The following CCDC102B variants were observed in gnomAD, a reference collection of about 807,000 sequenced individuals.
The protein encoded by CCDC102B is coiled-coil domain-containing protein 102B.
In CCDC102B, 75 loss-of-function variants were observed where a neutral mutation model predicts 57.4. That is an observed-to-expected ratio of 1.31 (90% CI 1.08 to 1.58). CCDC102B has a LOEUF of 1.58. Ranked by LOEUF, CCDC102B falls within the 40% of genes most tolerant of loss-of-function variation. The pLI, the probability that CCDC102B is intolerant of heterozygous loss-of-function variation, is 0.00. For missense variants in CCDC102B, 636 were observed against 582.6 expected (o/e 1.09, Z -0.94); for synonymous variants, 206 against 201.9 (o/e 1.02, Z -0.17).
chr18:68,821,663 T>A (rs991484522), intron 1 of CCDC102B, among the ~76,000 whole-genome samples: 2 of 151,768 alleles, frequency 1.3e-5, no homozygotes, highest in Admixed American at 1.3e-4. Flanking sequence ...TTCTCCTTCT[T>A]CCTTCCAATT....
At chr18:68,767,309 G>A (rs1394955811) in intron 2 of CCDC102B, among the ~76,000 whole-genome samples, 3 of 152,178 alleles carry the variant, frequency 2.0e-5, no homozygotes, top group Non-Finnish European at 4.4e-5. Context: ...CATGATGGGG[G>A]AGCTCCTATA....
intron 5 of CCDC102B, among the ~76,000 whole-genome samples, chr18:68,884,399 A>G (rs527767195): frequency 1.3e-5 from 2 of 152,244 alleles, no homozygotes; most frequent in East Asian, 3.9e-4. Context: ...ATACTAACTG[A>G]AATAAGCCAA....
chr18:68,974,907 T>C (rs2050392770), intron 6 of CCDC102B, among the ~76,000 whole-genome samples: 1 of 151,990 alleles, frequency 6.6e-6, no homozygotes, highest in South Asian at 2.1e-4. Context: ...AAATTTATAA[T>C]AATCATTTAA....
At chr18:68,944,559 C>G (rs948670950) in intron 6 of CCDC102B, among the ~76,000 whole-genome samples, 1 of 151,848 alleles carries the variant, frequency 6.6e-6, no homozygotes, top group African/African-American at 2.4e-5. Flanking sequence ...GATAAGGGCA[C>G]TAATCCAATT....
At chr18:68,866,970 C>T in intron 4 of CCDC102B, 1 of 409,720 alleles carries the variant, frequency 2.4e-6, no homozygotes, top group Non-Finnish European at 4.8e-6. Context: ...CTACATCAAT[C>T]TAGAGTGGTT....
At chr18:68,744,538 T>G (rs2033536580) in intron 2 of CCDC102B, among the ~76,000 whole-genome samples, 1 of 152,254 alleles carries the variant, frequency 6.6e-6, no homozygotes. Context: ...GGCACATTTG[T>G]TTTGGAGCCA....
intron 2 of CCDC102B, among the ~76,000 whole-genome samples, chr18:68,767,267 G>A (rs755303460): frequency 2.6e-5 from 4 of 152,184 alleles, no homozygotes; most frequent in Non-Finnish European, 5.9e-5. Flanking sequence ...GGGAGGTAAG[G>A]CCTTTGGGAG....
At chr18:68,982,157 A>G (rs2050602736) in intron 6 of CCDC102B, among the ~76,000 whole-genome samples, 1 of 151,826 alleles carries the variant, frequency 6.6e-6, no homozygotes, top group Non-Finnish European at 1.5e-5. Context: ...ATGCAGAATT[A>G]TCTCTGATTA....
chr18:69,004,712 A>T (rs573394651), intron 6 of CCDC102B, among the ~76,000 whole-genome samples: 11 of 152,152 alleles, frequency 7.2e-5, no homozygotes, highest in Non-Finnish European at 1.5e-4. Context: ...TTAATCTATG[A>T]CCTCTACTGG....
intron 1 of CCDC102B, among the ~76,000 whole-genome samples, chr18:68,800,305 T>G (rs1271695797): frequency 1.3e-5 from 2 of 152,068 alleles, no homozygotes; most frequent in Non-Finnish European, 1.5e-5. Context: ...CAGAATGGTT[T>G]GAAGTGGACA....
intron 7 of CCDC102B, among the ~76,000 whole-genome samples, chr18:69,042,600 T>C (rs2052460682): frequency 6.6e-6 from 1 of 152,108 alleles, no homozygotes; most frequent in African/African-American, 2.4e-5. Flanking sequence ...CTCAGTACCC[T>C]GAATCGTGAA....
intron 6 of CCDC102B, among the ~76,000 whole-genome samples, chr18:68,950,024 A>G (rs1291927727): frequency 1.3e-5 from 2 of 152,142 alleles, no homozygotes; most frequent in Non-Finnish European, 2.9e-5. Context: ...CTATCAATTC[A>G]TATTTACATG....
chr18:68,829,140 G>T (rs993104467), intron 1 of CCDC102B, among the ~76,000 whole-genome samples: 1 of 151,798 alleles, frequency 6.6e-6, no homozygotes, highest in Admixed American at 6.6e-5. Flanking sequence ...TTGTTGATTC[G>T]ATTTATATTT....
intron 4 of CCDC102B, among the ~76,000 whole-genome samples, chr18:68,852,194 G>T (rs2038159895): frequency 6.6e-6 from 1 of 152,120 alleles, no homozygotes; most frequent in African/African-American, 2.4e-5. Context: ...CTTACTGAAA[G>T]AGCCACAACT....
At chr18:68,730,019 A>G (rs1397955059) in intron 2 of CCDC102B, among the ~76,000 whole-genome samples, 2 of 152,216 alleles carry the variant, frequency 1.3e-5, no homozygotes, top group Non-Finnish European at 2.9e-5. Flanking sequence ...AATAAATTCA[A>G]AATAAGACCT....
At chr18:68,761,827 T>A (rs1458476649) in intron 2 of CCDC102B, among the ~76,000 whole-genome samples, 5 of 152,108 alleles carry the variant, frequency 3.3e-5, no homozygotes, top group Admixed American at 3.3e-4. Flanking sequence ...TTATTTATAT[T>A]TTTGACTTAT....
chr18:69,052,293 C>T (rs1454655763), intron 7 of CCDC102B, among the ~76,000 whole-genome samples: 1 of 151,944 alleles, frequency 6.6e-6, no homozygotes, highest in Non-Finnish European at 1.5e-5. Context: ...TCAAATGTCA[C>T]ATCAAGAGTT....
intron 6 of CCDC102B, among the ~76,000 whole-genome samples, chr18:68,968,621 C>G (rs867133039): frequency 6.6e-6 from 1 of 152,128 alleles, no homozygotes; most frequent in Non-Finnish European, 1.5e-5. Context: ...TAACAAGAGG[C>G]ATTATCTTAT....
intron 4 of CCDC102B, among the ~76,000 whole-genome samples, chr18:68,850,915 C>G (rs1211753229): frequency 6.6e-6 from 1 of 152,120 alleles, no homozygotes; most frequent in Non-Finnish European, 1.5e-5. Context: ...AAAATAGTCT[C>G]TGTCCAAAGT....
Sources: allele counts gnomAD v4.1 joint callset (sites outside exome capture counted in the v4.1 genomes callset), GRCh38; gene constraint gnomAD v4.1.1; transcripts MANE v1.5; gene names NCBI Gene and HGNC (gene_info 2026-07-23, HGNC 2026-07-21).